Variants in SRBD1 observed in about 807,000 individuals in gnomAD.
SRBD1 encodes the protein S1 RNA binding domain 1.
A neutral mutation model predicts 115.3 loss-of-function variants in SRBD1; 88 were observed. That is an observed-to-expected ratio of 0.76 (90% CI 0.64 to 0.91). The LOEUF is 0.91. SRBD1 is among the 40% of genes least tolerant of loss of function. The pLI, the probability that SRBD1 is intolerant of heterozygous loss-of-function variation, is 0.00. For synonymous variants in SRBD1, 509 were observed against 407.7 expected (o/e 1.25, Z -2.99); for missense variants, 1,385 against 1,177.4 (o/e 1.18, Z -2.58).
Position 45,552,520 on chromosome 2 carries a change from A to G in SRBD1, c.1517+1103T>C, listed in dbSNP as rs150126589. 5.7e-3 allele frequency among the ~76,000 whole-genome samples: 862 copies of G among 152,324 alleles called. 4 individuals carry two copies. The highest frequency in any genetic ancestry group is 0.01 in the Non-Finnish European group (690 of 68,016). On this transcript the variant is annotated intron_variant, in intron 11 of 20. Transcript: ENST00000263736. ...TCAAAAATATATGCAAAAAATGTCA[A>G]AAGTGCCACTAGACATAAGCAACAT...
chr2:45,547,921 T>C (rs1379702928), intron 12 of SRBD1, among the ~76,000 whole-genome samples: 1 of 152,238 alleles, frequency 6.6e-6, no homozygotes, highest in Non-Finnish European at 1.5e-5. Context: ...CTAACTGAAT[T>C]GTTAGTATAT....
At chr2:45,481,013 C>A (rs1317448219) in intron 15 of SRBD1, among the ~76,000 whole-genome samples, 2 of 152,172 alleles carry the variant, frequency 1.3e-5, no homozygotes, top group African/African-American at 4.8e-5. Context: ...TTAGTAACCA[C>A]CACTCTGGTC....
At chr2:45,418,635 T>C (rs1667905990) in intron 17 of SRBD1, 94 bp from the exon 18 acceptor site, 4 of 1,101,702 alleles carry the variant, frequency 3.6e-6, no homozygotes, top group Non-Finnish European at 4.9e-6. Flanking sequence ...TGCAATGACA[T>C]ATCCTCATAC....
At chr2:45,545,300 A>C (rs1031140851) in intron 14 of SRBD1, among the ~76,000 whole-genome samples, 4 of 148,496 alleles carry the variant, frequency 2.7e-5, no homozygotes, top group Non-Finnish European at 5.9e-5. Flanking sequence ...AAAAAAAAAA[A>C]AAAAAAAAAA....
At chr2:45,446,388 T>C (rs1044142357) in intron 16 of SRBD1, among the ~76,000 whole-genome samples, 3 of 152,014 alleles carry the variant, frequency 2.0e-5, no homozygotes, top group African/African-American at 7.2e-5. Flanking sequence ...CCCCTAACCA[T>C]GTATACTGAG....
Position 45,602,087 on chromosome 2 carries a change from G to C in SRBD1, c.81-4C>G. The C allele has an allele frequency of 2.5e-6, 4 of 1,607,722 alleles. No individual in the cohort carries two copies. Among genetic ancestry groups the C allele is most frequent in the Non-Finnish European group, 3.4e-6 (4 of 1,177,248 alleles). ...ATCTTCTTCAGAGGCAGATGATCTAGAAGTAAATCAACAGAATAATCTCCA... is the reference window on the plus strand; with the variant it reads ...ATCTTCTTCAGAGGCAGATGATCTACAAGTAAATCAACAGAATAATCTCCA... On this transcript the variant is annotated splice_polypyrimidine_tract_variant and splice_region_variant and intron_variant, in intron 2 of 20. Coordinates refer to ENST00000263736, the MANE Select transcript of SRBD1 (RefSeq NM_018079.5).
At chr2:45,546,618 G>A (rs1672127319) in intron 14 of SRBD1, 114 bp downstream of exon 14, 1 of 1,023,014 alleles carries the variant, frequency 9.8e-7, no homozygotes, top group Non-Finnish European at 1.5e-6. Context: ...CCAAGAGGTG[G>A]TCTGGAGGGC....
intron 14 of SRBD1, among the ~76,000 whole-genome samples, chr2:45,497,731 A>AT (rs1558435183): frequency 7.2e-5 from 8 of 110,520 alleles, no homozygotes; most frequent in Non-Finnish European, 1.4e-4. Context: ...AATTTCATAT[A>AT]ATTTTTTTTT....
rs554193146 is a variant in SRBD1 at position 45,508,871 on chromosome 2, TAC to T, written c.1875-20542_1875-20541del. 2.0e-3 allele frequency among the ~76,000 whole-genome samples: 305 copies of T among 152,234 alleles called. 2 individuals carry two copies. Among genetic ancestry groups the T allele is most frequent in the African/African-American group, 7.0e-3 (292 of 41,530 alleles). On this transcript the variant is annotated intron_variant, in intron 14 of 20. Coordinates refer to ENST00000263736, the MANE Select transcript of SRBD1 (RefSeq NM_018079.5). ...ATAAGTCTTCATGAAACGAATTATT[TAC>T]AGTCACAGGCATTCTTAGACAATTT...
intron 10 of SRBD1, among the ~76,000 whole-genome samples, chr2:45,559,189 A>G (rs1221375353): frequency 1.3e-5 from 2 of 152,156 alleles, no homozygotes; most frequent in Non-Finnish European, 2.9e-5. Flanking sequence ...TTCCTTCCAA[A>G]TAATTATCTA....
chr2:45,464,714 C>T (rs1443420664), intron 16 of SRBD1, among the ~76,000 whole-genome samples: 1 of 152,154 alleles, frequency 6.6e-6, no homozygotes, highest in African/African-American at 2.4e-5. Context: ...GTATAAAACA[C>T]TGAGACACAA....
rs143592986 is a variant in SRBD1 at position 45,477,859 on chromosome 2, T to G, written c.1967-784A>C. On this transcript the variant is annotated intron_variant, in intron 15 of 20. Coordinates refer to ENST00000263736, the MANE Select transcript of SRBD1 (RefSeq NM_018079.5). The stretch of plus-strand genomic sequence containing the variant: ...GTCTCTTAACACACCATAGTTCTAA[T>G]TACATCCCTTTCTTGACCATTACAA... Among the ~76,000 whole-genome samples, 16 of 152,308 alleles carry G rather than the reference T, an allele frequency of 1.1e-4. No individual in the cohort carries two copies. In the East Asian group the frequency reaches 3.1e-3, roughly 29 times the overall value.
intron 14 of SRBD1, among the ~76,000 whole-genome samples, chr2:45,490,824 A>G (rs984489259): frequency 6.6e-6 from 1 of 152,176 alleles, no homozygotes; most frequent in Non-Finnish European, 1.5e-5. Flanking sequence ...GGAATACAAA[A>G]CAGATGTGAC....
chr2:45,400,897 A>G (rs1490918290), intron 19 of SRBD1, among the ~76,000 whole-genome samples: 1 of 152,140 alleles, frequency 6.6e-6, no homozygotes, highest in Non-Finnish European at 1.5e-5. Context: ...CTCCAGACTG[A>G]GTTAGGGGAA....
intron 10 of SRBD1, among the ~76,000 whole-genome samples, chr2:45,554,136 G>C (rs1316915811): frequency 1.3e-5 from 2 of 152,170 alleles, no homozygotes; most frequent in Non-Finnish European, 2.9e-5. Flanking sequence ...TTTAGATGAA[G>C]TCATAAGGGT....
chr2:45,464,435 T>A (rs1669417748), intron 16 of SRBD1, among the ~76,000 whole-genome samples: 1 of 152,168 alleles, frequency 6.6e-6, no homozygotes. Context: ...AAAAGACATT[T>A]CACGTCCTCA....
chr2:45,568,784 T>G (rs569426045), intron 9 of SRBD1, among the ~76,000 whole-genome samples: 1 of 152,340 alleles, frequency 6.6e-6, no homozygotes, highest in East Asian at 1.9e-4. Context: ...GTGGACAAAA[T>G]AAGACAGAAA....
chr2:45,611,151 T>C (rs1038774921), intron 1 of SRBD1, 68 bp downstream of exon 1: 1 of 152,026 alleles, frequency 6.6e-6, no homozygotes, highest in African/African-American at 2.4e-5. Context: ...GCCCCAAAGA[T>C]CCCGGAGCCC....
At chr2:45,471,187 T>C (rs35758904) in intron 16 of SRBD1, among the ~76,000 whole-genome samples, 2 of 152,176 alleles carry the variant, frequency 1.3e-5, no homozygotes, top group South Asian at 2.1e-4. Context: ...CTAATACATA[T>C]TCACTATAGG....
Sources: allele counts gnomAD v4.1 joint callset (sites outside exome capture counted in the v4.1 genomes callset), GRCh38; gene constraint gnomAD v4.1.1; transcripts MANE v1.5; gene names NCBI Gene and HGNC (gene_info 2026-07-23, HGNC 2026-07-21).